Variants in CREG2 observed in about 807,000 individuals in gnomAD.
CREG2 encodes cellular repressor of E1A stimulated genes 2, also known as protein CREG2.
A neutral mutation model predicts 26.2 loss-of-function variants in CREG2; 24 were observed. The ratio of observed to expected loss-of-function variants is 0.92; its 90% CI spans 0.66 to 1.29. The LOEUF (loss-of-function observed/expected upper bound fraction) is 1.29. CREG2 is among the 50% of genes most tolerant of loss of function. The pLI is 0.00. For missense variants in CREG2, 366 were observed against 398.6 expected (o/e 0.92, Z 0.70); for synonymous variants, 174 against 169.2 (o/e 1.03, Z -0.22).
In CREG2 at chr2:101,348,966, A is replaced by C. The variant is rs778748677; in HGVS notation, c.*1957T>G. 2.0e-4 allele frequency: 30 copies of C among 152,628 alleles called. No individual in the cohort carries two copies. Among genetic ancestry groups the C allele is most frequent in the Admixed American group, 1.4e-3 (21 of 15,276 alleles). 9.5% of individuals were successfully genotyped at this position (152,628 alleles called of 1,614,324 possible). A position where few individuals can be genotyped will look rare whatever the true frequency, so the allele number is the denominator to read the frequency against. On this transcript the variant is annotated 3_prime_UTR_variant, in exon 4 of 4. Coordinates refer to ENST00000324768, the MANE Select transcript of CREG2 (RefSeq NM_153836.4). The stretch of plus-strand genomic sequence containing the variant: ...GGTTTCATTTCCTGTAATTTGGATA[A>C]ATAGCTGATAACATTCATCAGTGGT...
intron 3 of CREG2, among the ~76,000 whole-genome samples, chr2:101,353,185 A>G (rs1435017279): frequency 1.3e-5 from 2 of 151,982 alleles, no homozygotes; most frequent in Admixed American, 6.6e-5. Context: ...GATTGAAAAA[A>G]TTTTCACCCG....
At chr2:101,351,961 C>T (rs1573299533) in intron 3 of CREG2, among the ~76,000 whole-genome samples, 4 of 152,166 alleles carry the variant, frequency 2.6e-5, no homozygotes, top group African/African-American at 9.6e-5. Flanking sequence ...TCATAGCTCA[C>T]CGCAGCCTCG....
chr2:101,372,447 T>C (rs1684723108), intron 2 of CREG2, among the ~76,000 whole-genome samples: 1 of 152,242 alleles, frequency 6.6e-6, no homozygotes, highest in African/African-American at 2.4e-5. Flanking sequence ...GAGTAACAGC[T>C]TTCCCTCCCA....
At chr2:101,379,273 C>A (rs1684835487) in intron 2 of CREG2, among the ~76,000 whole-genome samples, 1 of 152,150 alleles carries the variant, frequency 6.6e-6, no homozygotes, top group African/African-American at 2.4e-5. Flanking sequence ...GAAAAAATCC[C>A]TAACTAGGTG....
At chr2:101,384,962 A>C (rs754004936) in intron 1 of CREG2, among the ~76,000 whole-genome samples, 1 of 151,988 alleles carries the variant, frequency 6.6e-6, no homozygotes, top group East Asian at 1.9e-4. Flanking sequence ...TACACCTTCC[A>C]CCATGAGTGG....
intron 2 of CREG2, among the ~76,000 whole-genome samples, chr2:101,366,007 G>T (rs1193085681): frequency 1.3e-5 from 2 of 152,162 alleles, no homozygotes; most frequent in African/African-American, 4.8e-5. Context: ...ATCTGCCCAA[G>T]TTATTATTCC....
Position 101,346,089 on chromosome 2 carries a change from T to C in CREG2, c.*4834A>G, listed in dbSNP as rs62154041. 0.13 allele frequency: 19,754 copies of C among 151,838 alleles called. 1,510 individuals carry two copies. Among genetic ancestry groups the C allele is most frequent in the East Asian group, 0.23 (1,182 of 5,170 alleles). 9.4% of individuals were successfully genotyped at this position (151,838 alleles called of 1,614,324 possible). The stretch of plus-strand genomic sequence containing the variant: ...CCTGACCTCAAGTGATCCTCCTGCC[T>C]TGGCCTCCCAAAGTGTTTGGATTAC... On this transcript the variant is annotated 3_prime_UTR_variant, in exon 4 of 4. Coordinates refer to ENST00000324768, the MANE Select transcript of CREG2 (RefSeq NM_153836.4).
chr2:101,362,269 A>G (rs1002955973), intron 2 of CREG2, among the ~76,000 whole-genome samples: 6 of 152,130 alleles, frequency 3.9e-5, no homozygotes, highest in Non-Finnish European at 8.8e-5. Flanking sequence ...CAAAGGAGCC[A>G]CCCTTAAAAT....
At chr2:101,377,487 G>C (rs566292649) in intron 2 of CREG2, among the ~76,000 whole-genome samples, 1 of 152,226 alleles carries the variant, frequency 6.6e-6, no homozygotes, top group African/African-American at 2.4e-5. Flanking sequence ...GATATTGCAG[G>C]GAAAGAGACA....
intron 2 of CREG2, among the ~76,000 whole-genome samples, chr2:101,372,091 T>C (rs12468262): frequency 0.45 from 67,789 of 151,784 alleles, 16,039 homozygotes; most frequent in East Asian, 0.62. Flanking sequence ...AATGAGGATG[T>C]CAAGGTGGGG....
chr2:101,347,817 A>C lies in CREG2; in HGVS notation c.*3106T>G, dbSNP rs749117627. On this transcript the variant is annotated 3_prime_UTR_variant, in exon 4 of 4. Transcript: ENST00000324768. ...GGTCTTTTGCAGAACAAATGTTTTA[A>C]ATTCTGATGAAGTTTAATTTATCAA... is the stretch of plus-strand genomic sequence containing the variant. The C allele has an allele frequency of 6.6e-5, 10 of 152,130 alleles. No homozygotes were observed. The highest frequency in any genetic ancestry group is 1.2e-4 in the Non-Finnish European group (8 of 68,020). 9.4% of individuals were successfully genotyped at this position (152,130 alleles called of 1,614,324 possible).
chr2:101,369,915 C>A (rs934873356), intron 2 of CREG2, among the ~76,000 whole-genome samples: 8 of 152,234 alleles, frequency 5.3e-5, no homozygotes, highest in Middle Eastern at 3.2e-3. Flanking sequence ...TTCAAATCAA[C>A]TTAAAAAATA....
Position 101,362,270 on chromosome 2 carries a change from C to T in CREG2, c.612-6904G>A, listed in dbSNP as rs116913347. On this transcript the variant is annotated intron_variant, in intron 2 of 3. Transcript: ENST00000324768. ...GCCACACTGGATTACAAAGGAGCCA[C>T]CCTTAAAATGAAACAGACACCACAG... Among the ~76,000 whole-genome samples the T allele has an allele frequency of 1.5e-4, 23 of 152,100 alleles. No individual in the cohort carries two copies. The East Asian group carries it at 4.1e-3, about 27-fold the overall frequency.
chr2:101,370,315 G>T (rs1432324594), intron 2 of CREG2, among the ~76,000 whole-genome samples: 2 of 152,164 alleles, frequency 1.3e-5, no homozygotes, highest in East Asian at 3.9e-4. Context: ...TCTGGTCTCT[G>T]CCATCCCAGT....
At position 101,383,773 on chromosome 2, in the gene CREG2, G is replaced by A. The variant is rs1368826455; in HGVS notation, c.442-71C>T. On this transcript the variant is annotated intron_variant, in intron 1 of 3. Transcript: ENST00000324768. ...GACTTGATCTGGGAGCTTAGCTTGT[G>A]CCTCTGGCTAGGAAATACAACACCA... The A allele has an allele frequency of 3.5e-6, 5 of 1,434,320 alleles. No individual in the cohort carries two copies. The East Asian group carries it at 1.2e-4, about 33-fold the overall frequency. 88.8% of individuals were successfully genotyped at this position (1,434,320 alleles called of 1,614,324 possible).
intron 2 of CREG2, among the ~76,000 whole-genome samples, chr2:101,367,716 A>T (rs1684639302): frequency 6.6e-6 from 1 of 152,194 alleles, no homozygotes; most frequent in Non-Finnish European, 1.5e-5. Context: ...AGAGAGAGAG[A>T]TTATCCTGGA....
intron 2 of CREG2, among the ~76,000 whole-genome samples, chr2:101,372,971 T>TA (rs1404217094): frequency 5.9e-5 from 9 of 152,114 alleles, no homozygotes; most frequent in Non-Finnish European, 1.3e-4. Context: ...ACAGGTATGA[T>TA]AAAAAAGACA....
At chr2:101,386,604 G>T (rs1240341524) in intron 1 of CREG2, among the ~76,000 whole-genome samples, 1 of 152,172 alleles carries the variant, frequency 6.6e-6, no homozygotes, top group Non-Finnish European at 1.5e-5. Context: ...CAGGTCAGAA[G>T]GTGATGGGGA....
chr2:101,376,824 T>C (rs1684799251), intron 2 of CREG2, among the ~76,000 whole-genome samples: 1 of 152,236 alleles, frequency 6.6e-6, no homozygotes, highest in African/African-American at 2.4e-5. Flanking sequence ...GAAATACTGT[T>C]AATTCATGAA....
Sources: allele counts gnomAD v4.1 joint callset (sites outside exome capture counted in the v4.1 genomes callset), GRCh38; gene constraint gnomAD v4.1.1; transcripts MANE v1.5; gene names NCBI Gene and HGNC (gene_info 2026-07-23, HGNC 2026-07-21).